The following TMEM182 variants were observed in gnomAD, a reference collection of about 807,000 sequenced individuals.
TMEM182 encodes transmembrane protein 182.
TMEM182 carries 20 observed loss-of-function variants against 26.8 expected under a neutral mutation model. The ratio of observed to expected loss-of-function variants is 0.75; its 90% CI spans 0.53 to 1.09. TMEM182 has a LOEUF of 1.09. TMEM182 is among the 50% of genes least tolerant of loss of function. TMEM182 has a pLI of 0.00. For synonymous variants in TMEM182, 109 were observed against 102.2 expected (o/e 1.07, Z -0.40); for missense variants, 277 against 275.5 (o/e 1.01, Z -0.04).
chr2:102,757,129 T>A (rs537086482), upstream of TMEM182, among the ~76,000 whole-genome samples: 38 of 152,148 alleles, frequency 2.5e-4, no homozygotes, highest in African/African-American at 8.9e-4. Context: ...TTCTTAAGAT[T>A]GGCAAGGAGG....
At chr2:102,832,995 G>A (rs1683179847) in intron 3 of TMEM182, among the ~76,000 whole-genome samples, 1 of 152,140 alleles carries the variant, frequency 6.6e-6, no homozygotes, top group Non-Finnish European at 1.5e-5. Flanking sequence ...ACATCCCGGA[G>A]CTTAATTATG....
At chr2:102,805,962 GA>G (rs1311396153) in intron 4 of TMEM182, among the ~76,000 whole-genome samples, 2 of 152,188 alleles carry the variant, frequency 1.3e-5, no homozygotes, top group Non-Finnish European at 1.5e-5. Flanking sequence ...TTGTCACAGT[GA>G]AAAGGCAGAC....
rs1053066827 is a variant in TMEM182 at position 102,814,778 on chromosome 2, A to G, written c.500A>G (p.Tyr167Cys). Residue 167 changes from tyrosine (Y) to cysteine (C), a missense_variant, in exon 5 of 5, where the codon TAT becomes TGT. By Grantham distance (194) the Tyr-to-Cys change is radical. Coordinates refer to ENST00000412401, the MANE Select transcript of TMEM182 (RefSeq NM_144632.5). ...GILFSLVVML[Y>C]VIWVQAVADM... The stretch of plus-strand genomic sequence containing the variant: ...CTATTTTCATTGGTGGTGATGCTGT[A>G]TGTCATCTGGGTCCAGGCAGTGGCT... 6.2e-6 allele frequency: 10 copies of G among 1,613,786 alleles called. No individual in the cohort carries two copies. The highest frequency in any genetic ancestry group is 8.5e-6 in the Non-Finnish European group (10 of 1,179,900).
chr2:102,838,066 C>T (rs1381890475), intron 3 of TMEM182, among the ~76,000 whole-genome samples: 3 of 152,212 alleles, frequency 2.0e-5, no homozygotes, highest in Non-Finnish European at 4.4e-5. Flanking sequence ...CTGGCCCTGC[C>T]CCAGCATCAG....
intron 3 of TMEM182, among the ~76,000 whole-genome samples, chr2:102,776,487 G>A (rs1680921963): frequency 6.6e-6 from 1 of 152,070 alleles, no homozygotes; most frequent in Admixed American, 6.6e-5. Flanking sequence ...TCTTTCCATG[G>A]CATGATAGTT....
Position 102,797,905 on chromosome 2 carries a change from TTGC to T in TMEM182, c.377_379del (p.Ala126del), listed in dbSNP as rs1558777959. On this transcript the variant is annotated inframe_deletion, in exon 4 of 5. Transcript: ENST00000412401. ...GCAGTCCTGATGCTCCTGGGGGTAG[TTGC>T]TGTAGTCATCGCAAGCTTTTTGATC... 6.2e-7 allele frequency: 1 copy of T among 1,614,168 alleles called. No individual in the cohort carries two copies. The highest frequency in any genetic ancestry group is 1.3e-5 in the African/African-American group (1 of 75,044).
chr2:102,797,946 C>A lies in TMEM182; in HGVS notation c.415C>A (p.Pro139Thr), dbSNP rs1335288866. The A allele has an allele frequency of 6.2e-7, 1 of 1,614,044 alleles. No homozygotes were observed. Among genetic ancestry groups the A allele is most frequent in the Non-Finnish European group, 8.5e-7 (1 of 1,180,006 alleles). ...AAGCTTTTTGATCATCTGTGCAGCC[C>A]CCTTCGCCAGCCATTTTCTCTACAA... ...IASFLIICAA[P>T]FASHFLYKAG... The change falls in exon 4 of 5, where the codon CCC becomes ACC. Residue 139 changes from proline to threonine, a missense_variant. Coordinates refer to ENST00000412401, the MANE Select transcript of TMEM182 (RefSeq NM_144632.5).
At chr2:102,798,139 AC>A (rs1293079172) in intron 4 of TMEM182, 139 bp downstream of exon 4, 460 of 1,069,140 alleles carry the variant, frequency 4.3e-4, no homozygotes, top group South Asian at 5.2e-4. Flanking sequence ...TTGAACACTA[AC>A]TAATAATATT....
At chr2:102,788,977 G>C (rs934377458) in intron 3 of TMEM182, among the ~76,000 whole-genome samples, 1 of 152,156 alleles carries the variant, frequency 6.6e-6, no homozygotes, top group African/African-American at 2.4e-5. Flanking sequence ...TGTATTTTTA[G>C]ACCTGCCCGA....
At chr2:102,765,338 A>G (rs968212952) in intron 3 of TMEM182, among the ~76,000 whole-genome samples, 2 of 152,172 alleles carry the variant, frequency 1.3e-5, no homozygotes, top group East Asian at 1.9e-4. Flanking sequence ...TTCTTCTGCA[A>G]TCTGGAAGCT....
At position 102,815,197 on chromosome 2, in the gene TMEM182, G is replaced by A. The variant is rs1440818114; in HGVS notation, c.*229G>A. The A allele has an allele frequency of 1.5e-6, 2 of 1,343,978 alleles. No individual in the cohort carries two copies. The highest frequency in any genetic ancestry group is 6.2e-5 in the East Asian group (2 of 32,110). The allele number at this position is 1,343,978 out of a possible 1,614,324, so 83.3% of individuals were successfully genotyped here. On this transcript the variant is annotated 3_prime_UTR_variant, in exon 5 of 5. Coordinates refer to ENST00000412401, the MANE Select transcript of TMEM182 (RefSeq NM_144632.5). ...GCTGTCAAGGACCTAGTTCTTTAGG[G>A]AATAGGTAAACAGGTCTCCCTTTCA...
intron 1 of TMEM182, among the ~76,000 whole-genome samples, chr2:102,752,150 T>C (rs930821984): frequency 6.6e-6 from 1 of 152,154 alleles, no homozygotes; most frequent in Non-Finnish European, 1.5e-5. Context: ...AGCCCTGCCA[T>C]AAAGAGATTC....
At chr2:102,768,054 C>T (rs1680523342) in intron 3 of TMEM182, among the ~76,000 whole-genome samples, 1 of 152,182 alleles carries the variant, frequency 6.6e-6, no homozygotes, top group South Asian at 2.1e-4. Flanking sequence ...AGGAAGACTT[C>T]CTTACCTGCC....
chr2:102,788,130 A>C (rs906127786), intron 3 of TMEM182, among the ~76,000 whole-genome samples: 1 of 152,154 alleles, frequency 6.6e-6, no homozygotes, highest in African/African-American at 2.4e-5. Flanking sequence ...GCTGGATTTG[A>C]ACTCCTGGGC....
intron 1 of TMEM182, chr2:102,737,037 G>A: frequency 1.9e-6 from 1 of 539,444 alleles, no homozygotes; most frequent in Non-Finnish European, 3.2e-6. Context: ...AGTTTGTGAT[G>A]ATAATGATGA....
At chr2:102,800,337 C>T (rs183431582) in intron 4 of TMEM182, among the ~76,000 whole-genome samples, 13 of 152,306 alleles carry the variant, frequency 8.5e-5, no homozygotes, top group Admixed American at 7.8e-4. Context: ...TACTTTCTAT[C>T]TGTATGGGTT....
intron 3 of TMEM182, among the ~76,000 whole-genome samples, chr2:102,778,377 A>ATT (rs1681019716): frequency 6.6e-6 from 1 of 151,938 alleles, no homozygotes; most frequent in Admixed American, 6.6e-5. Context: ...TTTACCTTCA[A>ATT]CTTACCTATA....
intron 3 of TMEM182, among the ~76,000 whole-genome samples, chr2:102,838,301 A>G (rs1044268226): frequency 9.2e-5 from 14 of 152,238 alleles, no homozygotes; most frequent in African/African-American, 3.4e-4. Context: ...TGCTTGGTGC[A>G]GTGGACTACT....
rs372664994 is a variant in TMEM182 at position 102,797,825 on chromosome 2, T to G, written c.332-38T>G. On this transcript the variant is annotated intron_variant, in intron 3 of 4. Transcript: ENST00000412401. ...CTGCTGTGTACACAATCTAAGTGTATTTTTCTTTCTTTTCTCTTTTCCTCC... is the reference window on the plus strand; with the variant it reads ...CTGCTGTGTACACAATCTAAGTGTAGTTTTCTTTCTTTTCTCTTTTCCTCC... 1.8e-5 allele frequency: 28 copies of G among 1,590,078 alleles called. No homozygotes were observed. In the African/African-American group the frequency reaches 3.1e-4, roughly 18 times the overall value.
Sources: gnomAD v4.1 joint callset for allele counts (sites outside exome capture counted in the v4.1 genomes callset) on GRCh38, gnomAD v4.1.1 for gene constraint, MANE v1.5 for transcripts, NCBI Gene and HGNC (gene_info 2026-07-23, HGNC 2026-07-21) for gene names.